The following ESRRB variants were observed in gnomAD, a reference collection of about 807,000 sequenced individuals.
The protein encoded by ESRRB is steroid hormone receptor ERR2.
A neutral mutation model predicts 46.0 loss-of-function variants in ESRRB; 16 were observed. The observed-to-expected ratio is 0.35, with a 90% CI of 0.24 to 0.53. ESRRB has a LOEUF of 0.53. ESRRB is among the 20% of genes least tolerant of loss of function. The pLI is 0.93. For missense variants in ESRRB, 488 were observed against 607.4 expected (o/e 0.80, Z 2.07); for synonymous variants, 246 against 259.6 (o/e 0.95, Z 0.50).
At chr14:76,324,676 CTCTT>C (rs1313568425) in intron 1 of ESRRB, among the ~76,000 whole-genome samples, 1 of 152,202 alleles carries the variant, frequency 6.6e-6, no homozygotes, top group Non-Finnish European at 1.5e-5. Flanking sequence ...GGTTACATCT[CTCTT>C]TCTCTCTGCT....
rs557419094 is a variant in ESRRB, at chr14:76,453,256, T to C, written c.461-9289T>C. On this transcript the variant is annotated intron_variant, in intron 2 of 6. Coordinates refer to ENST00000644823, the MANE Select transcript of ESRRB (RefSeq NM_001379180.1). ...GTGCCATATTTCATCAGTTCTAAGA[T>C]GCACATTTTCTCCAAGTAACATCTC... is the stretch of plus-strand genomic sequence containing the variant. Among the ~76,000 whole-genome samples, 5 of 152,338 alleles carry C rather than the reference T, an allele frequency of 3.3e-5. No individual in the cohort carries two copies. In the East Asian group the frequency reaches 7.7e-4, roughly 24 times the overall value.
chr14:76,401,000 CAT>C (rs1885918922), intron 1 of ESRRB, among the ~76,000 whole-genome samples: 1 of 152,172 alleles, frequency 6.6e-6, no homozygotes, highest in Non-Finnish European at 1.5e-5. Flanking sequence ...TTGCCAGACA[CAT>C]GTGTGAGAAG....
chr14:76,452,504 C>T (rs1888425421), intron 2 of ESRRB, among the ~76,000 whole-genome samples: 1 of 151,600 alleles, frequency 6.6e-6, no homozygotes, highest in African/African-American at 2.4e-5. Flanking sequence ...GCTATAATCC[C>T]AGCTACTTGG....
upstream of ESRRB, among the ~76,000 whole-genome samples, chr14:76,373,224 C>G (rs565297920): frequency 1.2e-4 from 18 of 152,258 alleles, no homozygotes; most frequent in African/African-American, 4.3e-4. Context: ...TGGCTTAGAG[C>G]TCTTGCTGAG....
At chr14:76,330,643 G>C (rs578239935) in intron 1 of ESRRB, among the ~76,000 whole-genome samples, 46 of 152,292 alleles carry the variant, frequency 3.0e-4, no homozygotes, top group African/African-American at 1.1e-3. Context: ...GTGGTGGCTG[G>C]GTCGCCAGGG....
chr14:76,398,636 C>G (rs1445598933), intron 1 of ESRRB, among the ~76,000 whole-genome samples: 1 of 151,984 alleles, frequency 6.6e-6, no homozygotes, highest in Admixed American at 6.6e-5. Context: ...TCTAGGTAGT[C>G]AAGGGGGCAT....
intron 1 of ESRRB, among the ~76,000 whole-genome samples, chr14:76,415,319 T>C (rs529041754): frequency 5.2e-4 from 79 of 152,312 alleles, no homozygotes; most frequent in African/African-American, 1.7e-3. Flanking sequence ...CTCTATGTGC[T>C]GAGTACAGTG....
At position 76,361,765 on chromosome 14, in the gene ESRRB, T is replaced by C. The variant is rs192494490; in HGVS notation, c.2+50849T>C. ...CTATGTGGCCTTAGCCCTGACATTG[T>C]TGGGGACTCTATGGCTCGCCATGAT... On this transcript the variant is annotated intron_variant, in intron 1 of 6. Coordinates refer to the ESRRB transcript ENST00000512784. Among the ~76,000 whole-genome samples the C allele has an allele frequency of 1.7e-4, 26 of 152,340 alleles. No individual in the cohort carries two copies. In the East Asian group the frequency reaches 4.8e-3, roughly 28 times the overall value.
At chr14:76,442,841 G>T in intron 2 of ESRRB, among the ~76,000 whole-genome samples, 1 of 132,430 alleles carries the variant, frequency 7.6e-6, no homozygotes, top group Non-Finnish European at 1.6e-5. Flanking sequence ...TTGAGACAGA[G>T]TCTCACTCTG....
chr14:76,367,911 C>G (rs1167703014), upstream of ESRRB, among the ~76,000 whole-genome samples: 1 of 148,624 alleles, frequency 6.7e-6, no homozygotes, highest in African/African-American at 2.5e-5. Flanking sequence ...CCCCCTCCAC[C>G]TTTCTTCAAG....
At chr14:76,398,272 G>A (rs2139834362) in intron 1 of ESRRB, among the ~76,000 whole-genome samples, 1 of 152,318 alleles carries the variant, frequency 6.6e-6, no homozygotes, top group South Asian at 2.1e-4. Flanking sequence ...GCTCAGAGAG[G>A]TTGAGTAGCA....
chr14:76,388,175 C>CTTTTTTTTT (rs35368784), intron 1 of ESRRB, among the ~76,000 whole-genome samples: 12 of 118,254 alleles, frequency 1.0e-4, no homozygotes, highest in African/African-American at 2.1e-4. Context: ...TTCTTTCATT[C>CTTTTTTTTT]TTTTTTTTTT....
At chr14:76,470,209 C>G (rs1889324565) in intron 3 of ESRRB, among the ~76,000 whole-genome samples, 1 of 152,078 alleles carries the variant, frequency 6.6e-6, no homozygotes, top group African/African-American at 2.4e-5. Flanking sequence ...CTTGGCCTCC[C>G]AAAGTGTTGG....
chr14:76,339,843 T>C (rs975157579), intron 1 of ESRRB, among the ~76,000 whole-genome samples: 1 of 152,080 alleles, frequency 6.6e-6, no homozygotes, highest in Non-Finnish European at 1.5e-5. Context: ...CAAAAGGACA[T>C]ATTGATTGGT....
chr14:76,391,605 A>G (rs1227939558), intron 1 of ESRRB, among the ~76,000 whole-genome samples: 6 of 152,224 alleles, frequency 3.9e-5, no homozygotes, highest in Non-Finnish European at 8.8e-5. Flanking sequence ...TTCCCACCTC[A>G]CTATGGGAGT....
Position 76,499,905 on chromosome 14 carries a change from A to T in ESRRB, c.*1447A>T. 6.2e-7 allele frequency: 1 copy of T among 1,614,178 alleles called. No homozygotes were observed. Among genetic ancestry groups the T allele is most frequent in the Non-Finnish European group, 8.5e-7 (1 of 1,180,030 alleles). The stretch of plus-strand genomic sequence containing the variant: ...TAGAGGATCTCCCAAGGATGAAAGA[A>T]TGTCAAGCCATGATGGAAAATGCCC... On this transcript the variant is annotated 3_prime_UTR_variant, in exon 7 of 7. Coordinates refer to ENST00000644823, the MANE Select transcript of ESRRB (RefSeq NM_001379180.1).
intron 5 of ESRRB, among the ~76,000 whole-genome samples, chr14:76,486,061 T>C (rs1890005982): frequency 6.6e-6 from 1 of 152,196 alleles, no homozygotes; most frequent in South Asian, 2.1e-4. Flanking sequence ...CTACCCCAAA[T>C]GCAGGTTTTT....
chr14:76,353,156 G>A (rs1269808527), intron 1 of ESRRB, among the ~76,000 whole-genome samples: 2 of 152,216 alleles, frequency 1.3e-5, no homozygotes, highest in Non-Finnish European at 2.9e-5. Flanking sequence ...GGAGAGTCCG[G>A]GAGTTGAAAC....
chr14:76,367,802 A>G (rs1156825422), upstream of ESRRB, among the ~76,000 whole-genome samples: 1 of 152,126 alleles, frequency 6.6e-6, no homozygotes, highest in Non-Finnish European at 1.5e-5. Context: ...GTCAGCACCT[A>G]AGTGTTTGCC....
Sources: gnomAD v4.1 joint callset for allele counts (sites outside exome capture counted in the v4.1 genomes callset) on GRCh38, gnomAD v4.1.1 for gene constraint, MANE v1.5 for transcripts, NCBI Gene and HGNC (gene_info 2026-07-23, HGNC 2026-07-21) for gene names.